Variants in DCAF7 observed in about 807,000 individuals in gnomAD.
The protein encoded by DCAF7 is DDB1- and CUL4-associated factor 7.
A neutral mutation model predicts 41.2 loss-of-function variants in DCAF7; 4 were observed. That is an observed-to-expected ratio of 0.10 (90% CI 0.05 to 0.22). The LOEUF (loss-of-function observed/expected upper bound fraction) is 0.22, where lower values mean the gene tolerates loss of function less well. DCAF7 is among the 10% of genes least tolerant of loss of function. DCAF7 has a pLI of 1.00. For synonymous variants in DCAF7, 143 were observed against 164.2 expected (o/e 0.87, Z 0.99); for missense variants, 131 against 443.2 (o/e 0.30, Z 6.32).
chr17:63,564,604 T>C (rs774207326), intron 1 of DCAF7, among the ~76,000 whole-genome samples: 1 of 152,220 alleles, frequency 6.6e-6, no homozygotes, highest in African/African-American at 2.4e-5. Context: ...TGACCTCTCC[T>C]ACCCAGTTGT....
chr17:63,554,048 T>A (rs533705046), intron 1 of DCAF7, among the ~76,000 whole-genome samples: 2 of 152,162 alleles, frequency 1.3e-5, no homozygotes, highest in African/African-American at 4.8e-5. Context: ...TACAAAAACA[T>A]TAAAAAATTA....
chr17:63,577,485 G>A (rs2033574922), intron 1 of DCAF7, among the ~76,000 whole-genome samples: 1 of 152,194 alleles, frequency 6.6e-6, no homozygotes, highest in Non-Finnish European at 1.5e-5. Flanking sequence ...GATTGAGTTT[G>A]ACAGCAAAGA....
At chr17:63,588,886 T>C in intron 6 of DCAF7, 114 bp from the exon 7 acceptor site, 1 of 1,156,552 alleles carries the variant, frequency 8.6e-7, no homozygotes, top group African/African-American at 1.6e-5. Context: ...GGGCTTAAAA[T>C]AGAACCGCCA....
At chr17:63,585,128 AG>A (rs750657414) in intron 5 of DCAF7, 82 bp from the exon 6 acceptor site, 388 of 1,126,494 alleles carry the variant, frequency 3.4e-4, no homozygotes, top group Non-Finnish European at 4.7e-4. Flanking sequence ...ATGCCTAAAA[AG>A]ATTTTTGCAT....
chr17:63,573,769 A>G lies in DCAF7; in HGVS notation c.139-4701A>G, dbSNP rs890362636. Among the ~76,000 whole-genome samples the G allele has an allele frequency of 9.9e-5, 15 of 152,046 alleles. No individual in the cohort carries two copies. In the South Asian group the frequency reaches 2.9e-3, roughly 30 times the overall value. Reference sequence around the variant, plus strand: ...AAATTATGCAAAGGTGAGAATGTCAACTTTTTAGTTCCATGTAAAAACTGT... The same window carrying G: ...AAATTATGCAAAGGTGAGAATGTCAGCTTTTTAGTTCCATGTAAAAACTGT... On this transcript the variant is annotated intron_variant, in intron 1 of 6. Transcript: ENST00000614556.
At chr17:63,573,730 C>CAA (rs60576809) in intron 1 of DCAF7, among the ~76,000 whole-genome samples, 2 of 112,476 alleles carry the variant, frequency 1.8e-5, no homozygotes, top group Non-Finnish European at 3.9e-5. Flanking sequence ...AAATCCGTCT[C>CAA]AAAAAAAAAA....
rs1034780623 is a variant in DCAF7, at chr17:63,551,967, A to G, written c.138+1152A>G. Among the ~76,000 whole-genome samples the G allele has an allele frequency of 7.7e-5, 11 of 142,700 alleles. 1 individual carries two copies. The South Asian group carries it at 2.5e-3, about 33-fold the overall frequency. The allele number at this position is 142,700 out of a possible 152,430, so 93.6% of individuals were successfully genotyped here. A position where few individuals can be genotyped will look rare whatever the true frequency, so the allele number is the denominator to read the frequency against. ...GCTTAGTGCGCCTGTAGTCCCAGCT[A>G]CTCGGAAGTCTGAGGCTGGAGAATT... is the stretch of plus-strand genomic sequence containing the variant. On this transcript the variant is annotated intron_variant, in intron 1 of 6. Coordinates refer to ENST00000614556, the MANE Select transcript of DCAF7 (RefSeq NM_005828.5).
At chr17:63,571,573 C>G (rs1300636356) in intron 1 of DCAF7, among the ~76,000 whole-genome samples, 1 of 151,852 alleles carries the variant, frequency 6.6e-6, no homozygotes, top group East Asian at 1.9e-4. Flanking sequence ...TTTTAATTTT[C>G]TAATTGGGGA....
intron 1 of DCAF7, among the ~76,000 whole-genome samples, chr17:63,559,002 A>T (rs984619983): frequency 5.9e-5 from 9 of 152,124 alleles, no homozygotes; most frequent in Non-Finnish European, 1.3e-4. Context: ...GCTAAAGGTG[A>T]TAGGAAATGA....
At chr17:63,560,553 A>C (rs7212676) in intron 1 of DCAF7, among the ~76,000 whole-genome samples, 2,768 of 152,300 alleles carry the variant, frequency 0.018, 72 homozygotes, top group African/African-American at 0.063. Flanking sequence ...AAGCATATGC[A>C]TATACATATG....
intron 3 of DCAF7, 131 bp downstream of exon 3, chr17:63,579,579 A>G: frequency 1.4e-6 from 1 of 714,666 alleles, no homozygotes. Flanking sequence ...GTGGTTATTT[A>G]TTAATTCCTT....
chr17:63,585,397 T>C, intron 6 of DCAF7, 69 bp downstream of exon 6: 1 of 1,378,118 alleles, frequency 7.3e-7, no homozygotes, highest in South Asian at 1.2e-5. Context: ...TCCTTAGAAT[T>C]GTAGTTGTTA....
At chr17:63,581,469 C>T (rs552993800) in intron 4 of DCAF7, among the ~76,000 whole-genome samples, 14 of 152,302 alleles carry the variant, frequency 9.2e-5, no homozygotes, top group African/African-American at 3.4e-4. Context: ...GGCAGGGTTC[C>T]TGGAGCCCAG....
At chr17:63,573,265 T>C (rs1189258809) in intron 1 of DCAF7, 1 of 152,216 alleles carries the variant, frequency 6.6e-6, no homozygotes, top group Non-Finnish European at 1.5e-5. Flanking sequence ...ACTTTACAAA[T>C]TTCCATGTCA....
rs1354101841 is a variant in DCAF7, at chr17:63,593,987, TA to T, written c.*4816del. On this transcript the variant is annotated 3_prime_UTR_variant, in exon 7 of 7. Coordinates refer to ENST00000614556, the MANE Select transcript of DCAF7 (RefSeq NM_005828.5). ...GAGGAAGCTGCCCCTTGCAGAACTG[TA>T]CTGTAATATTTTTCTTTTATAAATA... 1 of 152,660 alleles carries T rather than the reference TA, an allele frequency of 6.6e-6. No individual in the cohort carries two copies. The highest frequency in any genetic ancestry group is 2.4e-5 in the African/African-American group (1 of 41,458). The allele number at this position is 152,660 out of a possible 1,614,324, so 9.5% of individuals were successfully genotyped here. A position where few individuals can be genotyped will look rare whatever the true frequency, so the allele number is the denominator to read the frequency against.
chr17:63,578,364 T>C, intron 1 of DCAF7, 106 bp from the exon 2 acceptor site: 1 of 1,511,158 alleles, frequency 6.6e-7, no homozygotes, highest in Non-Finnish European at 9.0e-7. Context: ...ATCCTGTCTT[T>C]AAAACAAAAA....
intron 5 of DCAF7, among the ~76,000 whole-genome samples, chr17:63,584,005 G>C (rs77042940): frequency 0.019 from 2,956 of 152,292 alleles, 45 homozygotes; most frequent in Non-Finnish European, 0.028. Flanking sequence ...TCTGGAATAA[G>C]AATTACTTGT....
intron 1 of DCAF7, among the ~76,000 whole-genome samples, chr17:63,577,337 TGAGTA>T (rs984664339): frequency 2.0e-5 from 3 of 152,222 alleles, no homozygotes; most frequent in African/African-American, 7.2e-5. Flanking sequence ...GTCAGAAAGA[TGAGTA>T]GAAGGAATTT....
chr17:63,555,615 A>T (rs1360516276), intron 1 of DCAF7, among the ~76,000 whole-genome samples: 1 of 152,160 alleles, frequency 6.6e-6, no homozygotes, highest in Admixed American at 6.6e-5. Context: ...GTTTTGGTAC[A>T]CATCAGTACT....
Sources: gnomAD v4.1 joint callset for allele counts (sites outside exome capture counted in the v4.1 genomes callset) on GRCh38, gnomAD v4.1.1 for gene constraint, MANE v1.5 for transcripts, NCBI Gene and HGNC (gene_info 2026-07-23, HGNC 2026-07-21) for gene names.